ZNF710: variants seen among roughly 807,000 people sequenced by gnomAD.
The protein encoded by ZNF710 is zinc finger protein 710.
In ZNF710, 13 loss-of-function variants were observed where a neutral mutation model predicts 50.6. The observed-to-expected ratio is 0.26, with a 90% CI of 0.17 to 0.41. The LOEUF (loss-of-function observed/expected upper bound fraction) is 0.41. Ranked by LOEUF, ZNF710 falls within the 10% of genes least tolerant of loss-of-function variation. ZNF710 has a pLI of 1.00. For synonymous variants in ZNF710, 383 were observed against 397.0 expected (o/e 0.96, Z 0.42); for missense variants, 721 against 936.6 (o/e 0.77, Z 3.01).
At chr15:90,014,079 T>TAA (rs754218138) in intron 1 of ZNF710, among the ~76,000 whole-genome samples, 1 of 140,386 alleles carries the variant, frequency 7.1e-6, no homozygotes, top group African/African-American at 2.6e-5. Flanking sequence ...TGAATAGTAA[T>TAA]AAAAAAAAAA....
intron 1 of ZNF710, among the ~76,000 whole-genome samples, chr15:90,060,142 G>A (rs538569353): frequency 5.3e-4 from 66 of 123,464 alleles, no homozygotes; most frequent in South Asian, 1.3e-3. Context: ...CCAGAGATCC[G>A]GGTGCTTCAT....
intron 1 of ZNF710, among the ~76,000 whole-genome samples, chr15:90,035,485 C>T (rs1261764438): frequency 1.3e-5 from 2 of 152,380 alleles, no homozygotes; most frequent in South Asian, 2.1e-4. Flanking sequence ...GCTTTCGGGC[C>T]TCAGCACCAT....
intron 1 of ZNF710, among the ~76,000 whole-genome samples, chr15:90,063,844 C>T (rs1900085830): frequency 6.6e-6 from 1 of 152,096 alleles, no homozygotes; most frequent in African/African-American, 2.4e-5. Flanking sequence ...GGGGCTGATT[C>T]CTGGTATTAG....
chr15:90,060,555 A>G (rs563873218), intron 1 of ZNF710, among the ~76,000 whole-genome samples: 84 of 152,076 alleles, frequency 5.5e-4, no homozygotes, highest in African/African-American at 1.9e-3. Flanking sequence ...CCCATCTCTT[A>G]AAAAAATAAA....
chr15:90,033,312 C>A (rs1245088971), intron 1 of ZNF710, among the ~76,000 whole-genome samples: 1 of 152,166 alleles, frequency 6.6e-6, no homozygotes, highest in East Asian at 1.9e-4. Context: ...TCAAACTGAC[C>A]TTTCACCACA....
intron 1 of ZNF710, among the ~76,000 whole-genome samples, chr15:90,046,560 C>T (rs1053580596): frequency 6.6e-6 from 1 of 152,130 alleles, no homozygotes; most frequent in African/African-American, 2.4e-5. Flanking sequence ...CCAAGCCAGA[C>T]ACCCAGACGG....
At chr15:90,055,942 C>A (rs1596291983) in intron 1 of ZNF710, among the ~76,000 whole-genome samples, 2 of 151,588 alleles carry the variant, frequency 1.3e-5, no homozygotes, top group East Asian at 3.9e-4. Context: ...TGGTGAAACC[C>A]CGTCTCTACT....
intron 4 of ZNF710, among the ~76,000 whole-genome samples, chr15:90,078,242 A>G (rs537046098): frequency 6.6e-6 from 1 of 151,958 alleles, no homozygotes; most frequent in Non-Finnish European, 1.5e-5. Context: ...GAGAAAAGAA[A>G]TGGTTCAAAG....
intron 1 of ZNF710, among the ~76,000 whole-genome samples, chr15:90,038,062 G>A (rs1378557808): frequency 3.3e-5 from 5 of 152,170 alleles, no homozygotes; most frequent in South Asian, 2.1e-4. Flanking sequence ...ATTTCCCCTC[G>A]ACCCGCAGTC....
chr15:90,033,775 T>C (rs1223680855), intron 1 of ZNF710, among the ~76,000 whole-genome samples: 2 of 152,214 alleles, frequency 1.3e-5, no homozygotes, highest in African/African-American at 2.4e-5. Flanking sequence ...GAGAAACTCC[T>C]TGATTCAAGG....
intron 1 of ZNF710, among the ~76,000 whole-genome samples, chr15:90,002,883 T>A (rs1898050171): frequency 6.6e-6 from 1 of 152,168 alleles, no homozygotes; most frequent in Non-Finnish European, 1.5e-5. Context: ...GTGCCTTTTC[T>A]TTTTTCTTGA....
At chr15:90,057,724 A>AATAATAATAATAATAATAATT (rs1050893653) in intron 1 of ZNF710, among the ~76,000 whole-genome samples, 1 of 148,976 alleles carries the variant, frequency 6.7e-6, no homozygotes, top group African/African-American at 2.5e-5. Context: ...TAATAATAAT[A>AATAATAATAATAATAATAATT]ATTTGGAGAA....
intron 1 of ZNF710, among the ~76,000 whole-genome samples, chr15:90,021,069 G>T (rs1898607190): frequency 7.2e-6 from 1 of 138,522 alleles, no homozygotes. Context: ...TTCAGCCCTG[G>T]GTTCCTTGCT....
intron 1 of ZNF710, among the ~76,000 whole-genome samples, chr15:90,046,218 G>A (rs1035766531): frequency 4.6e-5 from 7 of 152,288 alleles, no homozygotes; most frequent in South Asian, 2.1e-4. Flanking sequence ...AGGTGTGGCC[G>A]GCAGGACCCT....
chr15:90,044,442 C>T (rs1899397391), intron 1 of ZNF710, among the ~76,000 whole-genome samples: 1 of 152,176 alleles, frequency 6.6e-6, no homozygotes, highest in South Asian at 2.1e-4. Context: ...AGGAAGGGGG[C>T]CGGTCCACAC....
chr15:90,045,984 C>G (rs1899448509), intron 1 of ZNF710, among the ~76,000 whole-genome samples: 1 of 152,144 alleles, frequency 6.6e-6, no homozygotes, highest in Non-Finnish European at 1.5e-5. Context: ...AAAAAGGGAC[C>G]TGGTCACACT....
At chr15:90,057,059 T>G (rs915114241) in intron 1 of ZNF710, among the ~76,000 whole-genome samples, 1 of 152,006 alleles carries the variant, frequency 6.6e-6, no homozygotes, top group Non-Finnish European at 1.5e-5. Context: ...CCCCTTTGTG[T>G]TCTGGCCTCA....
chr15:90,067,602 C>T lies in ZNF710; in HGVS notation c.465C>T (p.Ala155=), dbSNP rs552089563. 188 of 1,610,808 alleles carry T rather than the reference C, an allele frequency of 1.2e-4. No individual in the cohort carries two copies. Among genetic ancestry groups the T allele is most frequent in the Non-Finnish European group, 1.5e-4 (172 of 1,178,726 alleles). The change falls in exon 2 of 5, where the codon GCC becomes GCT. Residue 155 remains alanine (A), a synonymous_variant. Transcript: ENST00000268154. This position sits in a 1 kb window ranked among gnomAD's most constrained non-coding sequence, Gnocchi z 8.1. ...GGCDALVQSS[A]VKMIDLSAFS... is the part of the protein sequence containing the mutation. ...GCGACGCCCTGGTGCAGAGCAGCGC[C>T]GTCAAGATGATCGACCTCAGCGCCT...
At chr15:90,005,144 C>T (rs1026963223) in intron 1 of ZNF710, among the ~76,000 whole-genome samples, 1 of 152,206 alleles carries the variant, frequency 6.6e-6, no homozygotes, top group African/African-American at 2.4e-5. Context: ...TGAGGGTAGA[C>T]GTCTTTGCTT....
Sources: allele counts gnomAD v4.1 joint callset (sites outside exome capture counted in the v4.1 genomes callset), GRCh38; gene constraint gnomAD v4.1.1; non-coding constraint Gnocchi (gnomAD v3.1); transcripts MANE v1.5; gene names NCBI Gene and HGNC (gene_info 2026-07-23, HGNC 2026-07-21).